Variants in CAP2 observed in about 807,000 individuals in gnomAD.
The protein encoded by CAP2 is adenylyl cyclase-associated protein 2.
A neutral mutation model predicts 57.7 loss-of-function variants in CAP2; 24 were observed. The observed-to-expected ratio is 0.42, with a 90% confidence interval of 0.30 to 0.58. The LOEUF (loss-of-function observed/expected upper bound fraction) is 0.58, where lower values mean the gene tolerates loss of function less well. CAP2 is among the 20% of genes least tolerant of loss of function. CAP2 has a pLI of 0.22. For synonymous variants in CAP2, 194 were observed against 207.2 expected (o/e 0.94, Z 0.55); for missense variants, 501 against 590.3 (o/e 0.85, Z 1.57).
chr6:17,402,197 C>T (rs1243800375), intron 1 of CAP2, among the ~76,000 whole-genome samples: 1 of 152,186 alleles, frequency 6.6e-6, no homozygotes, highest in Non-Finnish European at 1.5e-5. Context: ...CGCAAGTTCT[C>T]TTTCCCATCT....
chr6:17,543,624 CAAA>C (rs66747239), intron 11 of CAP2, among the ~76,000 whole-genome samples: 39 of 83,914 alleles, frequency 4.6e-4, no homozygotes, highest in East Asian at 7.3e-4. Context: ...GACTCCATCT[CAAA>C]AAAAAAAAAA....
At chr6:17,401,781 C>T (rs1196128360) in intron 1 of CAP2, among the ~76,000 whole-genome samples, 1 of 152,060 alleles carries the variant, frequency 6.6e-6, no homozygotes, top group African/African-American at 2.4e-5. Flanking sequence ...TCTTAGTACT[C>T]CTCTCTGTGT....
At chr6:17,506,538 G>A (rs1373857571) in intron 4 of CAP2, among the ~76,000 whole-genome samples, 1 of 152,048 alleles carries the variant, frequency 6.6e-6, no homozygotes, top group Non-Finnish European at 1.5e-5. Flanking sequence ...TACTCAGGAG[G>A]CTGAGGCAGG....
At position 17,503,473 on chromosome 6, in the gene CAP2, G is replaced by A. The variant is rs192102864; in HGVS notation, c.301-3696G>A. Among the ~76,000 whole-genome samples, 459 of 152,036 alleles carry A rather than the reference G, an allele frequency of 3.0e-3. 1 individual carries two copies. The highest frequency in any genetic ancestry group is 4.6e-3 in the Non-Finnish European group (312 of 67,960). The stretch of plus-strand genomic sequence containing the variant: ...ACAAAAATTAGCTGGGTGTGGTGGC[G>A]TGTGTCTGTAATCCCAGCTACTTGG... On this transcript the variant is annotated intron_variant, in intron 4 of 12. Transcript: ENST00000229922.
intron 4 of CAP2, among the ~76,000 whole-genome samples, chr6:17,469,494 CTT>C (rs1289106598): frequency 1.3e-5 from 2 of 152,000 alleles, no homozygotes; most frequent in African/African-American, 4.8e-5. Flanking sequence ...AAAAATTAAT[CTT>C]AAGTTTTTCA....
intron 4 of CAP2, among the ~76,000 whole-genome samples, chr6:17,489,635 C>G (rs1192054610): frequency 2.0e-5 from 3 of 152,056 alleles, no homozygotes; most frequent in Non-Finnish European, 4.4e-5. Context: ...CTACTACACT[C>G]TTCCATGCAC....
rs1183315835 is a variant in CAP2, at chr6:17,443,800, C to T, written c.222+17110C>T. Among the ~76,000 whole-genome samples the T allele has an allele frequency of 5.9e-5, 9 of 151,804 alleles. 1 individual carries two copies. The highest frequency in any genetic ancestry group is 1.9e-4 in the African/African-American group (8 of 41,314). On this transcript the variant is annotated intron_variant, in intron 3 of 12. Coordinates refer to ENST00000229922, the MANE Select transcript of CAP2 (RefSeq NM_006366.3). ...TTTTCCAACCTTCAGTATTTTTTTC[C>T]TTTTCTGGTTGTCTTTACATTGTGG... is the stretch of plus-strand genomic sequence containing the variant.
At chr6:17,531,224 G>A (rs1017611300) in intron 7 of CAP2, 24 of 778,578 alleles carry the variant, frequency 3.1e-5, no homozygotes, top group Admixed American at 1.7e-4. Context: ...CCCATGCAGT[G>A]TATGGCTCTA....
chr6:17,526,676 G>A (rs2113682043), intron 7 of CAP2, among the ~76,000 whole-genome samples: 1 of 152,232 alleles, frequency 6.6e-6, no homozygotes, highest in East Asian at 1.9e-4. Context: ...AGAACACACA[G>A]GCTGGGCGTA....
chr6:17,482,502 C>A (rs1368381958), intron 4 of CAP2, among the ~76,000 whole-genome samples: 1 of 100,932 alleles, frequency 9.9e-6, no homozygotes, highest in Non-Finnish European at 1.8e-5. Flanking sequence ...AGCGAGACTC[C>A]ATCTCAAAAA....
chr6:17,470,235 A>G (rs532308244), intron 4 of CAP2, among the ~76,000 whole-genome samples: 4 of 152,302 alleles, frequency 2.6e-5, no homozygotes, highest in African/African-American at 9.6e-5. Flanking sequence ...TAACCAAACC[A>G]ACTTGTCAAG....
Position 17,543,106 on chromosome 6 carries a change from T to C in CAP2, c.1172T>C (p.Ile391Thr). ...LGLVFDNVVGIVEVINSQDIQ... is the reference protein window; with the variant it reads ...LGLVFDNVVGTVEVINSQDIQ... ...CTGGTGTTTGACAATGTGGTGGGCATTGTGGAAGTGATCAACTCCCAGGAC... is the reference window on the plus strand; with the variant it reads ...CTGGTGTTTGACAATGTGGTGGGCACTGTGGAAGTGATCAACTCCCAGGAC... Residue 391 changes from isoleucine (I) to threonine (T), a missense_variant, in exon 11 of 13, where the codon ATT becomes ACT. Ile to Thr is a moderately conservative substitution (Grantham distance 89). Transcript: ENST00000229922. 6.2e-7 allele frequency: 1 copy of C among 1,614,200 alleles called. No individual in the cohort carries two copies. Among genetic ancestry groups the C allele is most frequent in the South Asian group, 1.1e-5 (1 of 91,082 alleles).
intron 7 of CAP2, among the ~76,000 whole-genome samples, chr6:17,533,516 G>T (rs1330345712): frequency 6.6e-6 from 1 of 151,670 alleles, no homozygotes; most frequent in East Asian, 1.9e-4. Context: ...CAACAGAAGT[G>T]AACTTTTGTA....
chr6:17,431,379 A>C (rs1337794324), intron 3 of CAP2, among the ~76,000 whole-genome samples: 2 of 152,192 alleles, frequency 1.3e-5, no homozygotes, highest in African/African-American at 2.4e-5. Flanking sequence ...CAATTTGAAC[A>C]AAAGGGCAAT....
chr6:17,465,603 G>C (rs762839688), intron 4 of CAP2, among the ~76,000 whole-genome samples: 3 of 152,124 alleles, frequency 2.0e-5, no homozygotes, highest in Non-Finnish European at 2.9e-5. Context: ...ATCACCACGT[G>C]TTGTTCAGAA....
intron 4 of CAP2, among the ~76,000 whole-genome samples, chr6:17,498,843 C>T (rs1220675124): frequency 6.6e-6 from 1 of 152,052 alleles, no homozygotes; most frequent in Non-Finnish European, 1.5e-5. Context: ...ATTCTCCTGC[C>T]TCAGCCTCCT....
chr6:17,500,119 G>A (rs1222442590), intron 4 of CAP2, among the ~76,000 whole-genome samples: 3 of 149,992 alleles, frequency 2.0e-5, no homozygotes, highest in African/African-American at 4.9e-5. Flanking sequence ...CTCCATGGAC[G>A]TATTCTGAAA....
In CAP2 at chr6:17,501,122, G is replaced by T. The variant is rs148283653; in HGVS notation, c.301-6047G>T. 3.5e-3 allele frequency among the ~76,000 whole-genome samples: 531 copies of T among 152,218 alleles called. 6 individuals are homozygous for T. Among genetic ancestry groups the T allele is most frequent in the African/African-American group, 0.012 (498 of 41,534 alleles). ...AAATGATAGAGTTCTCACAATACAC[G>T]CCAGGAACGTACTGATGGGATTTTA... On this transcript the variant is annotated intron_variant, in intron 4 of 12. Transcript: ENST00000229922.
At chr6:17,514,540 A>G (rs1043509737) in intron 7 of CAP2, among the ~76,000 whole-genome samples, 11 of 152,146 alleles carry the variant, frequency 7.2e-5, no homozygotes, top group South Asian at 4.1e-4. Flanking sequence ...ACCTGAGGTC[A>G]GGAGTTTGAG....
Sources: gnomAD v4.1 joint callset for allele counts (sites outside exome capture counted in the v4.1 genomes callset) on GRCh38, gnomAD v4.1.1 for gene constraint, MANE v1.5 for transcripts, NCBI Gene and HGNC (gene_info 2026-07-23, HGNC 2026-07-21) for gene names.